Variants in FRMPD4 observed in about 807,000 individuals in gnomAD.
FRMPD4 encodes the protein FERM and PDZ domain-containing protein 4.
In FRMPD4, 22 loss-of-function variants were observed where a neutral mutation model predicts 94.1. The observed-to-expected ratio is 0.23, with a 90% CI of 0.17 to 0.33. The LOEUF (loss-of-function observed/expected upper bound fraction) is 0.33. Ranked by LOEUF, FRMPD4 falls within the 10% of genes least tolerant of loss-of-function variation. The probability of loss-of-function intolerance (pLI) is 1.00; values close to 1 mark genes in which losing one functional copy is unlikely to be tolerated. For missense variants in FRMPD4, 1,111 were observed against 1,339.9 expected (o/e 0.83, Z 2.67); for synonymous variants, 631 against 548.6 (o/e 1.15, Z -2.10).
At chrX:12,272,796 G>A (rs2054373959) in intron 1 of FRMPD4, among the ~76,000 whole-genome samples, 1 of 111,974 alleles carries the variant, frequency 8.9e-6, no homozygotes, top group African/African-American at 3.2e-5. Flanking sequence ...AAGGCTGCGT[G>A]TGGTGGCTCA....
chrX:11,945,797 C>A (rs1418470755), intron 3 of FRMPD4, among the ~76,000 whole-genome samples: 1 of 111,561 alleles, frequency 9.0e-6, no homozygotes, highest in Non-Finnish European at 1.9e-5. Context: ...ACCCCCATGA[C>A]CCAAATGCCT....
At chrX:12,359,816 G>A (rs1435958811) in intron 1 of FRMPD4, among the ~76,000 whole-genome samples, 1 of 111,344 alleles carries the variant, frequency 9.0e-6, no homozygotes, top group African/African-American at 3.3e-5. Flanking sequence ...GGGAGGGAGC[G>A]GTTTTCCTCT....
At chrX:12,463,717 G>A (rs1340100000) in intron 1 of FRMPD4, among the ~76,000 whole-genome samples, 3 of 72,644 alleles carry the variant, frequency 4.1e-5, no homozygotes, top group Non-Finnish European at 7.8e-5. Flanking sequence ...TTTTAACAGA[G>A]CATGAAATAA....
intron 3 of FRMPD4, among the ~76,000 whole-genome samples, chrX:12,107,088 G>C (rs1055510723): frequency 1.8e-5 from 2 of 111,663 alleles, no homozygotes; most frequent in African/African-American, 6.5e-5. Flanking sequence ...TCTGAGAAGG[G>C]ACAGATTGCC....
chrX:12,606,314 C>T (rs770283689), intron 2 of FRMPD4, among the ~76,000 whole-genome samples: 19 of 111,454 alleles, frequency 1.7e-4, no homozygotes, highest in African/African-American at 5.9e-4. Context: ...GTCTGGAGGG[C>T]GTACTATAAT....
intron 3 of FRMPD4, among the ~76,000 whole-genome samples, chrX:11,972,239 A>G (rs185311673): frequency 3.6e-4 from 40 of 112,074 alleles, no homozygotes; most frequent in African/African-American, 1.2e-3. Flanking sequence ...AATAAAGGAC[A>G]CTTAGCTCAG....
chrX:12,555,278 G>A (rs990833635), intron 2 of FRMPD4, among the ~76,000 whole-genome samples: 8 of 111,129 alleles, frequency 7.2e-5, no homozygotes, highest in Non-Finnish European at 1.1e-4. Context: ...TGGCCCCTGC[G>A]TCTTTTCTAC....
At chrX:12,382,635 A>G (rs747131356) in intron 1 of FRMPD4, among the ~76,000 whole-genome samples, 80 of 110,672 alleles carry the variant, frequency 7.2e-4, no homozygotes, top group Non-Finnish European at 1.3e-3. Context: ...TTGCTTACAT[A>G]TGATGGTCCA....
chrX:11,957,232 G>C (rs1165450998), intron 3 of FRMPD4, among the ~76,000 whole-genome samples: 1 of 111,505 alleles, frequency 9.0e-6, no homozygotes, highest in Non-Finnish European at 1.9e-5. Flanking sequence ...TCAAATGAGG[G>C]AGCCAACAAA....
chrX:11,913,346 C>G (rs911119456), intron 3 of FRMPD4, among the ~76,000 whole-genome samples: 1 of 112,397 alleles, frequency 8.9e-6, no homozygotes, highest in Non-Finnish European at 1.9e-5. Context: ...TGAATCATCT[C>G]AGAGGTTTAC....
At chrX:11,979,523 C>T (rs1435617904) in intron 3 of FRMPD4, among the ~76,000 whole-genome samples, 1 of 111,966 alleles carries the variant, frequency 8.9e-6, no homozygotes, top group Non-Finnish European at 1.9e-5. Flanking sequence ...CACTCTATAC[C>T]TCATTGATGC....
Position 12,609,755 on chromosome X carries a change from C to T in FRMPD4, c.193C>T (p.Arg65Trp), listed in dbSNP as rs2059163199. ...MTQAIPFDDP[R>W]LESCQIIPPA... ...ACAGGCAATCCCTTTTGACGACCCT[C>T]GGTTAGAGAGCTGCCAAATCATCCC... The change falls in exon 3 of 17, where the codon CGG becomes TGG. Residue 65 changes from arginine to tryptophan, a missense_variant. Transcript: ENST00000675598. 8.3e-7 allele frequency: 1 copy of T among 1,208,527 alleles called. No individual in the cohort carries two copies. Among genetic ancestry groups the T allele is most frequent in the Middle Eastern group, 2.3e-4 (1 of 4,345 alleles).
intron 3 of FRMPD4, among the ~76,000 whole-genome samples, chrX:11,922,665 T>G (rs1195091572): frequency 2.7e-5 from 3 of 112,362 alleles, no homozygotes; most frequent in Non-Finnish European, 5.6e-5. Context: ...AGGGGACCCC[T>G]TGACCACCAC....
chrX:11,969,118 T>A (rs1334362332), intron 3 of FRMPD4, among the ~76,000 whole-genome samples: 2 of 112,680 alleles, frequency 1.8e-5, no homozygotes, highest in Non-Finnish European at 3.8e-5. Context: ...TTCAACATTC[T>A]GGATAATTGG....
chrX:12,552,683 G>A (rs573167808), intron 2 of FRMPD4, among the ~76,000 whole-genome samples: 8 of 111,643 alleles, frequency 7.2e-5, no homozygotes, highest in African/African-American at 2.3e-4. Context: ...ATTTAATCTT[G>A]CTCTATAACT....
At chrX:12,026,915 A>T (rs1293188012) in intron 3 of FRMPD4, among the ~76,000 whole-genome samples, 2 of 112,442 alleles carry the variant, frequency 1.8e-5, no homozygotes, top group Non-Finnish European at 3.8e-5. Flanking sequence ...TGATCACGTC[A>T]TGTTTTTAGA....
intron 3 of FRMPD4, among the ~76,000 whole-genome samples, chrX:11,932,591 T>G (rs1289127968): frequency 9.0e-6 from 1 of 110,945 alleles, no homozygotes; most frequent in East Asian, 2.8e-4. Flanking sequence ...GAGTTAGGTG[T>G]GTAAAACTGT....
chrX:12,696,031 C>G lies in FRMPD4; in HGVS notation c.933+1577C>G, dbSNP rs369851227. On this transcript the variant is annotated intron_variant, in intron 9 of 16. Transcript: ENST00000675598. Reference sequence around the variant, plus strand: ...AATTATAGGCGTGAGCCACCGCGCCCAGCCCTAATTGATTATTCTTATCTG... The same window carrying G: ...AATTATAGGCGTGAGCCACCGCGCCGAGCCCTAATTGATTATTCTTATCTG... Among the ~76,000 whole-genome samples, 4 of 112,590 alleles carry G rather than the reference C, an allele frequency of 3.6e-5. No individual in the cohort carries two copies. In the East Asian group the frequency reaches 1.1e-3, roughly 31 times the overall value.
intron 1 of FRMPD4, among the ~76,000 whole-genome samples, chrX:12,383,197 A>G (rs2056351087): frequency 8.9e-6 from 1 of 112,493 alleles, no homozygotes; most frequent in African/African-American, 3.2e-5. Flanking sequence ...TAAAACTTAA[A>G]ATGTTATAGT....
Sources: allele counts gnomAD v4.1 joint callset (sites outside exome capture counted in the v4.1 genomes callset), GRCh38; gene constraint gnomAD v4.1.1; transcripts MANE v1.5; gene names NCBI Gene and HGNC (gene_info 2026-07-23, HGNC 2026-07-21).